The following SMURF2 variants were observed in gnomAD, a reference collection of about 807,000 sequenced individuals.
SMURF2 encodes the protein SMAD specific E3 ubiquitin protein ligase 2.
SMURF2 carries 48 observed loss-of-function variants against 109.6 expected under a neutral mutation model. That is an observed-to-expected ratio of 0.44 (90% CI 0.35 to 0.56). The LOEUF (loss-of-function observed/expected upper bound fraction) is 0.56, where lower values mean the gene tolerates loss of function less well. SMURF2 is among the 20% of genes least tolerant of loss of function. The pLI, the probability that SMURF2 is intolerant of heterozygous loss-of-function variation, is 0.01. For synonymous variants in SMURF2, 288 were observed against 317.1 expected (o/e 0.91, Z 0.97); for missense variants, 575 against 909.0 (o/e 0.63, Z 4.72).
At chr17:64,646,675 C>G (rs1970563945) in intron 1 of SMURF2, among the ~76,000 whole-genome samples, 1 of 152,162 alleles carries the variant, frequency 6.6e-6, no homozygotes, top group African/African-American at 2.4e-5. Flanking sequence ...AGCCACCACT[C>G]CTGGCCCTAT....
At chr17:64,598,574 G>T (rs1969849679) in intron 2 of SMURF2, 84 bp from the exon 3 acceptor site, 2 of 1,115,626 alleles carry the variant, frequency 1.8e-6, no homozygotes, top group South Asian at 4.0e-5. Context: ...TGCTACAAAA[G>T]ATTATTCCAT....
intron 1 of SMURF2, among the ~76,000 whole-genome samples, chr17:64,647,576 G>A (rs781973485): frequency 3.3e-5 from 5 of 151,968 alleles, no homozygotes; most frequent in Non-Finnish European, 5.9e-5. Context: ...AGTTACTCCG[G>A]AGGCTGATGA....
intron 1 of SMURF2, among the ~76,000 whole-genome samples, chr17:64,649,860 A>G (rs1555693319): frequency 6.6e-6 from 1 of 152,118 alleles, no homozygotes; most frequent in African/African-American, 2.4e-5. Flanking sequence ...AAAATATTGA[A>G]AATATTTGAT....
intron 1 of SMURF2, among the ~76,000 whole-genome samples, chr17:64,654,692 G>A (rs144783278): frequency 0.089 from 13,464 of 152,118 alleles, 1,352 homozygotes; most frequent in African/African-American, 0.25. Flanking sequence ...AGCCGGGCGC[G>A]GTGGCACATG....
intron 1 of SMURF2, among the ~76,000 whole-genome samples, chr17:64,626,932 T>C (rs1283631018): frequency 1.5e-4 from 21 of 139,988 alleles, no homozygotes; most frequent in African/African-American, 5.4e-4. Flanking sequence ...CGTATTCCCC[T>C]AAAAAAAAAA....
intron 1 of SMURF2, among the ~76,000 whole-genome samples, chr17:64,656,308 A>G (rs1970704294): frequency 6.6e-6 from 1 of 152,240 alleles, no homozygotes; most frequent in South Asian, 2.1e-4. Context: ...ACAACAGGTT[A>G]ATATATTTGT....
chr17:64,574,124 A>G (rs1969455864), intron 9 of SMURF2, among the ~76,000 whole-genome samples: 2 of 152,178 alleles, frequency 1.3e-5, no homozygotes, highest in African/African-American at 4.8e-5. Context: ...CCCTGAACCT[A>G]AAAGTTAAAA....
At chr17:64,599,700 T>C (rs1555688392) in intron 2 of SMURF2, among the ~76,000 whole-genome samples, 4 of 152,276 alleles carry the variant, frequency 2.6e-5, no homozygotes, top group South Asian at 2.1e-4. Context: ...GAATCTAAAG[T>C]CTGATGATCT....
intron 1 of SMURF2, among the ~76,000 whole-genome samples, chr17:64,621,593 A>G (rs1970203137): frequency 6.7e-6 from 1 of 150,366 alleles, no homozygotes; most frequent in South Asian, 2.1e-4. Context: ...AAATAATAAT[A>G]GGCCAGGCAC....
rs1005810546 is a variant in SMURF2 at position 64,633,795 on chromosome 17, C to G, written c.53-27155G>C. ...ACACAGGCAACTACCAAGAGATTAG[C>G]CCCCCACCCCCCAAAAAAATGTTGT... On this transcript the variant is annotated intron_variant, in intron 1 of 18. Transcript: ENST00000262435. Among the ~76,000 whole-genome samples, 5 of 150,084 alleles carry G rather than the reference C, an allele frequency of 3.3e-5. No homozygotes were observed. In the South Asian group the frequency reaches 1.1e-3, roughly 32 times the overall value.
chr17:64,560,021 G>C (rs538687471), intron 12 of SMURF2, among the ~76,000 whole-genome samples: 1 of 151,680 alleles, frequency 6.6e-6, no homozygotes, highest in South Asian at 2.1e-4. Flanking sequence ...CAAAGTGCTG[G>C]GATTACAGGT....
At chr17:64,611,698 A>G (rs1181951029) in intron 1 of SMURF2, among the ~76,000 whole-genome samples, 1 of 152,116 alleles carries the variant, frequency 6.6e-6, no homozygotes, top group Non-Finnish European at 1.5e-5. Context: ...CCCTGCCTCA[A>G]AGCCTCACTT....
chr17:64,613,490 T>C (rs1321920134), intron 1 of SMURF2, among the ~76,000 whole-genome samples: 1 of 152,074 alleles, frequency 6.6e-6, no homozygotes, highest in Non-Finnish European at 1.5e-5. Flanking sequence ...TAAATGTTTC[T>C]TAAAGAAAAT....
chr17:64,582,684 C>A (rs1358528436), intron 7 of SMURF2, among the ~76,000 whole-genome samples: 1 of 151,970 alleles, frequency 6.6e-6, no homozygotes, highest in African/African-American at 2.4e-5. Flanking sequence ...CTGCAACCTC[C>A]ACCTCCTGGG....
chr17:64,591,258 C>T (rs1381918228), intron 4 of SMURF2, 109 bp from the exon 5 acceptor site: 1 of 778,076 alleles, frequency 1.3e-6, no homozygotes, highest in Non-Finnish European at 2.1e-6. Flanking sequence ...TCAAACCTAT[C>T]ATTTAAAGAG....
Position 64,619,195 on chromosome 17 carries a change from A to G in SMURF2, c.53-12555T>C, listed in dbSNP as rs1970164923. On this transcript the variant is annotated intron_variant, in intron 1 of 18. Transcript: ENST00000262435. Reference sequence around the variant, plus strand: ...GGTTGCAAACACATTAAAAAAGAACATGGCCGGGCACGGTGGCTCATGCCT... The same window carrying G: ...GGTTGCAAACACATTAAAAAAGAACGTGGCCGGGCACGGTGGCTCATGCCT... Among the ~76,000 whole-genome samples, 6 of 152,170 alleles carry G rather than the reference A, an allele frequency of 3.9e-5. No homozygotes were observed. The South Asian group carries it at 1.2e-3, about 32-fold the overall frequency.
At position 64,621,903 on chromosome 17, in the gene SMURF2, A is replaced by AAATAAATAAAT. The variant is rs1555690664; in HGVS notation, c.53-15264_53-15263insATTTATTTATT. Reference sequence around the variant, plus strand: ...AAAATAAATAAATAAATAAATAAATAAATAATAATAATAATAATAATAAAA... The same window carrying AAATAAATAAAT: ...AAAATAAATAAATAAATAAATAAATAAATAAATAAATAATAATAATAATAATAATAATAAAA... On this transcript the variant is annotated intron_variant, in intron 1 of 18. Transcript: ENST00000262435. Among the ~76,000 whole-genome samples, 3 of 141,824 alleles carry AAATAAATAAAT rather than the reference A, an allele frequency of 2.1e-5. No homozygotes were observed. In the Admixed American group the frequency reaches 2.2e-4, roughly 10 times the overall value. 93.0% of individuals were successfully genotyped at this position (141,824 alleles called of 152,430 possible). A position where few individuals can be genotyped will look rare whatever the true frequency, so the allele number is the denominator to read the frequency against.
intron 1 of SMURF2, among the ~76,000 whole-genome samples, chr17:64,628,486 AT>A (rs1404933696): frequency 4.6e-5 from 7 of 152,218 alleles, no homozygotes; most frequent in Non-Finnish European, 8.8e-5. Flanking sequence ...GTTATTCATT[AT>A]AGTCCAAATT....
chr17:64,590,857 T>C (rs1425944272), intron 5 of SMURF2, among the ~76,000 whole-genome samples: 1 of 151,932 alleles, frequency 6.6e-6, no homozygotes, highest in East Asian at 1.9e-4. Flanking sequence ...GAAAGAATTA[T>C]ATCCTGAAGG....
Sources: allele counts gnomAD v4.1 joint callset (sites outside exome capture counted in the v4.1 genomes callset), GRCh38; gene constraint gnomAD v4.1.1; transcripts MANE v1.5; gene names NCBI Gene and HGNC (gene_info 2026-07-23, HGNC 2026-07-21).